ANO3: variants seen among roughly 807,000 people sequenced by gnomAD.
The protein encoded by ANO3 is anoctamin 3.
In ANO3, 99 loss-of-function variants were observed where a neutral mutation model predicts 144.8. The ratio of observed to expected loss-of-function variants is 0.68; its 90% CI spans 0.58 to 0.81. The LOEUF (loss-of-function observed/expected upper bound fraction) is 0.81. ANO3 is among the 30% of genes least tolerant of loss of function. The probability of loss-of-function intolerance (pLI) is 0.00; values close to 1 mark genes in which losing one functional copy is unlikely to be tolerated. For synonymous variants in ANO3, 414 were observed against 392.6 expected (o/e 1.05, Z -0.64); for missense variants, 905 against 1,202.2 (o/e 0.75, Z 3.66).
At chr11:26,554,608 A>G (rs1008120070) in intron 13 of ANO3, among the ~76,000 whole-genome samples, 12 of 152,148 alleles carry the variant, frequency 7.9e-5, no homozygotes, top group Admixed American at 7.9e-4. Flanking sequence ...GTCAATCTTT[A>G]TGAATTTTAA....
Position 26,542,069 on chromosome 11 carries a change from G to A in ANO3, c.1154+1G>A, listed in dbSNP as rs1278570752. ...AGCATCAGCCTCTGGATTTAATCAG[G>A]TACTGCAAATGGAACAATAATGAAA... On this transcript the variant is annotated splice_donor_variant, in intron 11 of 26. Coordinates refer to ENST00000256737, the MANE Select transcript of ANO3 (RefSeq NM_031418.4). LOFTEE classifies it high-confidence loss of function. 2 of 1,606,848 alleles carry A rather than the reference G, an allele frequency of 1.2e-6. No individual in the cohort carries two copies. Among genetic ancestry groups the A allele is most frequent in the Non-Finnish European group, 1.7e-6 (2 of 1,177,110 alleles).
At chr11:26,313,838 C>T (rs537877686) in intron 1 of ANO3, among the ~76,000 whole-genome samples, 3 of 147,762 alleles carry the variant, frequency 2.0e-5, no homozygotes, top group Non-Finnish European at 3.0e-5. Flanking sequence ...TACATTATAA[C>T]AAAAAGTCTT....
At chr11:26,537,010 T>A (rs553465519) in intron 9 of ANO3, among the ~76,000 whole-genome samples, 99 of 151,360 alleles carry the variant, frequency 6.5e-4, no homozygotes, top group South Asian at 1.0e-3. Context: ...CTTTAAATTT[T>A]TTTTTTTTTT....
chr11:26,512,083 C>T (rs1861685932), intron 5 of ANO3, among the ~76,000 whole-genome samples: 1 of 152,082 alleles, frequency 6.6e-6, no homozygotes, highest in African/African-American at 2.4e-5. Context: ...CTGAAAAGAA[C>T]ATAGATTTGA....
At chr11:26,418,605 A>G (rs988743973) in intron 1 of ANO3, among the ~76,000 whole-genome samples, 2 of 152,106 alleles carry the variant, frequency 1.3e-5, no homozygotes, top group Non-Finnish European at 2.9e-5. Context: ...TTTACATGTT[A>G]CTTCCTAATC....
Position 26,374,597 on chromosome 11 carries a change from G to C in ANO3, c.46+42276G>C, listed in dbSNP as rs569256659. Among the ~76,000 whole-genome samples, 3 of 152,314 alleles carry C rather than the reference G, an allele frequency of 2.0e-5. No homozygotes were observed. The South Asian group carries it at 6.2e-4, about 32-fold the overall frequency. ...TTTTCAGTATGGCTTTTGAAATTGA[G>C]ATGTTGGCCATGATAAATTGATGGA... On this transcript the variant is annotated intron_variant, in intron 1 of 26. Transcript: ENST00000256737.
chr11:26,650,861 A>G (rs1408340066), intron 24 of ANO3, among the ~76,000 whole-genome samples: 1 of 152,192 alleles, frequency 6.6e-6, no homozygotes, highest in Non-Finnish European at 1.5e-5. Context: ...CCAACATGAA[A>G]TAATGATTGC....
At chr11:26,545,713 TAAAA>T (rs5790585) in intron 11 of ANO3, among the ~76,000 whole-genome samples, 8,628 of 148,950 alleles carry the variant, frequency 0.058, 320 homozygotes, top group Admixed American at 0.1. Context: ...GCACAAATAT[TAAAA>T]AAAAAAAAAA....
chr11:26,219,838 G>A (rs905396527), intron 1 of ANO3, among the ~76,000 whole-genome samples: 9 of 152,242 alleles, frequency 5.9e-5, no homozygotes, highest in African/African-American at 2.2e-4. Context: ...TGCCTAGGGT[G>A]GATGGAATCT....
chr11:26,586,265 C>G (rs1204056688), intron 14 of ANO3, among the ~76,000 whole-genome samples: 1 of 151,676 alleles, frequency 6.6e-6, no homozygotes, highest in African/African-American at 2.4e-5. Flanking sequence ...ATATGTAAAT[C>G]CCCCTGATTC....
At chr11:26,511,646 G>A (rs1861671026) in intron 5 of ANO3, among the ~76,000 whole-genome samples, 1 of 152,132 alleles carries the variant, frequency 6.6e-6, no homozygotes, top group Non-Finnish European at 1.5e-5. Flanking sequence ...CAAGGGCAGT[G>A]GTATGGTCTG....
At chr11:26,249,847 G>A (rs140392454) in intron 1 of ANO3, among the ~76,000 whole-genome samples, 2 of 152,098 alleles carry the variant, frequency 1.3e-5, no homozygotes, top group Non-Finnish European at 2.9e-5. Flanking sequence ...CACCAGTGAC[G>A]TTGTTTTTCC....
At chr11:26,382,076 C>A (rs1856603922) in intron 1 of ANO3, among the ~76,000 whole-genome samples, 1 of 151,998 alleles carries the variant, frequency 6.6e-6, no homozygotes, top group African/African-American at 2.4e-5. Flanking sequence ...ATTTATTATG[C>A]ATATGTATAT....
At chr11:26,464,517 T>G (rs1229492427) in intron 4 of ANO3, among the ~76,000 whole-genome samples, 1 of 151,886 alleles carries the variant, frequency 6.6e-6, no homozygotes, top group African/African-American at 2.4e-5. Flanking sequence ...TTATCTGCTT[T>G]TCTAGAATTA....
chr11:26,421,812 T>C (rs968547104), intron 1 of ANO3, among the ~76,000 whole-genome samples: 6 of 151,956 alleles, frequency 3.9e-5, no homozygotes, highest in African/African-American at 1.4e-4. Context: ...GGATGGACCT[T>C]GAGGCCATTA....
chr11:26,239,210 A>G (rs1027214599), intron 1 of ANO3, among the ~76,000 whole-genome samples: 1 of 152,126 alleles, frequency 6.6e-6, no homozygotes, highest in Non-Finnish European at 1.5e-5. Context: ...TTCTTTAGGC[A>G]GAAAAATAAT....
chr11:26,292,910 G>A (rs374625559), intron 1 of ANO3, among the ~76,000 whole-genome samples: 25 of 152,180 alleles, frequency 1.6e-4, no homozygotes, highest in South Asian at 6.2e-4. Flanking sequence ...CAGTCTGTCC[G>A]TTCTCAGATC....
chr11:26,609,860 G>A (rs1852044008), intron 17 of ANO3, among the ~76,000 whole-genome samples: 2 of 152,166 alleles, frequency 1.3e-5, no homozygotes, highest in African/African-American at 2.4e-5. Flanking sequence ...TCCACCAACA[G>A]TGTGTAAGTG....
In ANO3 at chr11:26,614,431, A is replaced by G. The variant is rs115066030; in HGVS notation, c.1837-10031A>G. On this transcript the variant is annotated intron_variant, in intron 17 of 26. Coordinates refer to ENST00000256737, the MANE Select transcript of ANO3 (RefSeq NM_031418.4). Reference sequence around the variant, plus strand: ...ATGGTACTGTAGGCACTATGGTAGTATGATGGCAGGGCCTCAGGAATGGAA... The same window carrying G: ...ATGGTACTGTAGGCACTATGGTAGTGTGATGGCAGGGCCTCAGGAATGGAA... Among the ~76,000 whole-genome samples, 651 of 152,268 alleles carry G rather than the reference A, an allele frequency of 4.3e-3. 3 individuals carry two copies. The highest frequency in any genetic ancestry group is 0.015 in the African/African-American group (612 of 41,548).
Sources: allele counts gnomAD v4.1 joint callset (sites outside exome capture counted in the v4.1 genomes callset), GRCh38; gene constraint gnomAD v4.1.1; transcripts MANE v1.5; gene names NCBI Gene and HGNC (gene_info 2026-07-23, HGNC 2026-07-21).